The following KLF8 variants were observed in gnomAD, a reference collection of about 807,000 sequenced individuals.
KLF8 encodes KLF transcription factor 8.
In KLF8, 10 loss-of-function variants were observed where a neutral mutation model predicts 18.2. That is an observed-to-expected ratio of 0.55 (90% CI 0.34 to 0.93). The LOEUF is 0.93. Among genes scored for constraint, KLF8 ranks in the 40% least tolerant of loss-of-function variants. The pLI is 0.02. For missense variants in KLF8, 264 were observed against 277.9 expected, an observed-to-expected ratio of 0.95 and a Z score of 0.36; for synonymous variants, 109 against 97.3, an observed-to-expected ratio of 1.12 and a Z score of -0.71.
At chrX:56,254,008 A>G (rs2066754457) in intron 2 of KLF8, among the ~76,000 whole-genome samples, 1 of 105,235 alleles carries the variant, frequency 9.5e-6, no homozygotes, top group African/African-American at 3.5e-5. Flanking sequence ...GAAGTGATCC[A>G]CCCACCTCTT....
the KLF8 span, among the ~76,000 whole-genome samples, chrX:56,175,440 G>A: frequency 8.9e-6 from 1 of 112,079 alleles, no homozygotes; most frequent in Non-Finnish European, 1.9e-5. Context: ...GTTCTAGTTT[G>A]ATTGCACTGT....
At chrX:56,041,048 T>C in the KLF8 span, among the ~76,000 whole-genome samples, 2 of 107,257 alleles carry the variant, frequency 1.9e-5, no homozygotes, top group African/African-American at 6.7e-5. Flanking sequence ...TTTATGTGCA[T>C]AGAGGTGTTT....
chrX:56,075,878 G>A, the KLF8 span, among the ~76,000 whole-genome samples: 2,918 of 111,634 alleles, frequency 0.026, 40 homozygotes, highest in Middle Eastern at 0.046. Flanking sequence ...GTACTCCATT[G>A]TGTATATATG....
At chrX:56,179,027 C>G in the KLF8 span, among the ~76,000 whole-genome samples, 1 of 111,627 alleles carries the variant, frequency 9.0e-6, no homozygotes, top group African/African-American at 3.3e-5. Context: ...GAAAAAAGTC[C>G]TTGGTAGCTT....
the KLF8 span, among the ~76,000 whole-genome samples, chrX:56,206,547 A>T: frequency 8.9e-6 from 1 of 112,134 alleles, no homozygotes. Context: ...CTCCAAAATG[A>T]TCTCCTTTGA....
the KLF8 span, among the ~76,000 whole-genome samples, chrX:55,938,081 C>T: frequency 1.8e-5 from 2 of 111,098 alleles, no homozygotes; most frequent in Non-Finnish European, 3.8e-5. Flanking sequence ...GTCAGATTCA[C>T]CAAAGTTGAA....
the KLF8 span, among the ~76,000 whole-genome samples, chrX:56,137,379 G>C: frequency 1.9e-5 from 2 of 105,930 alleles, no homozygotes; most frequent in African/African-American, 3.5e-5. Context: ...TGATAGACTG[G>C]ATTAAGAAAA....
chrX:56,017,934 A>G, the KLF8 span, among the ~76,000 whole-genome samples: 472 of 111,536 alleles, frequency 4.2e-3, 5 homozygotes, highest in African/African-American at 0.015. Context: ...GTAGTTGTAC[A>G]TATCTATAGG....
the KLF8 span, among the ~76,000 whole-genome samples, chrX:56,133,935 AT>A: frequency 9.5e-6 from 1 of 105,319 alleles, no homozygotes; most frequent in African/African-American, 3.4e-5. Context: ...AAAAAAAAAA[AT>A]ACTTAGGAAT....
chrX:56,084,729 G>T, the KLF8 span, among the ~76,000 whole-genome samples: 1 of 112,206 alleles, frequency 8.9e-6, no homozygotes, highest in Non-Finnish European at 1.9e-5. Flanking sequence ...GTAGCCATTG[G>T]AATTTCAAAT....
At chrX:56,153,878 G>A in the KLF8 span, among the ~76,000 whole-genome samples, 1 of 111,436 alleles carries the variant, frequency 9.0e-6, no homozygotes, top group Non-Finnish European at 1.9e-5. Flanking sequence ...TACAAGGGAT[G>A]TGAAGGACCT....
At chrX:56,039,798 G>T in the KLF8 span, among the ~76,000 whole-genome samples, 12,938 of 110,932 alleles carry the variant, frequency 0.12, 1,315 homozygotes, top group African/African-American at 0.33. Context: ...GAATAACATT[G>T]AGTCTATAAA....
chrX:56,284,653 C>T lies in KLF8; in HGVS notation c.*159C>T. 1 of 373,666 alleles carries T rather than the reference C, an allele frequency of 2.7e-6. No individual in the cohort carries two copies. Among genetic ancestry groups the T allele is most frequent in the Non-Finnish European group, 4.4e-6 (1 of 226,917 alleles). The allele number at this position is 373,666 out of a possible 1,213,427, so 30.8% of individuals were successfully genotyped here. ...CTGGAGGAAAAGAGAGCTGGTCTCC[C>T]GTGGGGCTCTTCATATTCTACCTTC... is the stretch of plus-strand genomic sequence containing the variant. On this transcript the variant is annotated 3_prime_UTR_variant, in exon 6 of 6. Transcript: ENST00000468660.
Position 56,247,340 on chromosome X carries a change from C to G in KLF8, c.8-2891C>G, listed in dbSNP as rs957926730. ...CACCACTTAACATGAAGGAAACTTG[C>G]AGAACTAGAAGTTGCTCTGAGTAAG... On this transcript the variant is annotated intron_variant, in intron 1 of 5. Coordinates refer to ENST00000468660, the MANE Select transcript of KLF8 (RefSeq NM_007250.5). Among the ~76,000 whole-genome samples, 5 of 111,833 alleles carry G rather than the reference C, an allele frequency of 4.5e-5. No individual in the cohort carries two copies. The Admixed American group carries it at 4.7e-4, about 11-fold the overall frequency.
chrX:55,943,856 A>C, the KLF8 span, among the ~76,000 whole-genome samples: 10 of 112,351 alleles, frequency 8.9e-5, no homozygotes, highest in Non-Finnish European at 1.9e-4. Flanking sequence ...TACCCTGCAC[A>C]CATGGAGTCT....
intron 3 of KLF8, 172 bp from the exon 4 acceptor site, chrX:56,269,206 A>T: frequency 9.7e-7 from 1 of 1,035,286 alleles, no homozygotes; most frequent in Non-Finnish European, 1.2e-6. Flanking sequence ...AAAAAAAAAT[A>T]AAATGTTATT....
the KLF8 span, among the ~76,000 whole-genome samples, chrX:56,063,479 T>C: frequency 9.0e-6 from 1 of 111,640 alleles, no homozygotes; most frequent in Admixed American, 9.5e-5. Flanking sequence ...TTTTCCTGGG[T>C]ATTACCAGCA....
chrX:56,200,592 A>C, the KLF8 span, among the ~76,000 whole-genome samples: 1 of 110,343 alleles, frequency 9.1e-6, no homozygotes, highest in South Asian at 3.8e-4. Context: ...CCAAAAACAC[A>C]AGCAAAAAAA....
chrX:56,058,999 C>T, the KLF8 span, among the ~76,000 whole-genome samples: 1 of 112,035 alleles, frequency 8.9e-6, no homozygotes, highest in African/African-American at 3.2e-5. Flanking sequence ...TTCTCCACAT[C>T]CTCTACAGCA....
Sources: gnomAD v4.1 joint callset for allele counts (sites outside exome capture counted in the v4.1 genomes callset) on GRCh38, gnomAD v4.1.1 for gene constraint, MANE v1.5 for transcripts, NCBI Gene and HGNC (gene_info 2026-07-23, HGNC 2026-07-21) for gene names.